The following CPNE8 variants were observed in gnomAD, a reference collection of about 807,000 sequenced individuals.
CPNE8 encodes copine 8.
Under a neutral mutation model 81.5 loss-of-function variants are expected in CPNE8, and 45 were observed. That is an observed-to-expected ratio of 0.55 (90% CI 0.44 to 0.71). CPNE8 has a LOEUF of 0.71. CPNE8 is among the 30% of genes least tolerant of loss of function. The pLI, the probability that CPNE8 is intolerant of heterozygous loss-of-function variation, is 0.00. For missense variants in CPNE8, 594 were observed against 672.1 expected (o/e 0.88, Z 1.28); for synonymous variants, 252 against 226.3 (o/e 1.11, Z -1.02).
At chr12:38,759,491 T>C (rs1261411967) in intron 10 of CPNE8, among the ~76,000 whole-genome samples, 1 of 152,200 alleles carries the variant, frequency 6.6e-6, no homozygotes, top group Non-Finnish European at 1.5e-5. Context: ...CACATAGAAC[T>C]AAATAATACA....
At chr12:38,779,213 A>T (rs1371438751) in intron 6 of CPNE8, among the ~76,000 whole-genome samples, 4 of 152,154 alleles carry the variant, frequency 2.6e-5, no homozygotes, top group Non-Finnish European at 1.5e-5. Context: ...ACATTGCAAG[A>T]AAATAAGGAC....
At chr12:38,814,893 T>C (rs929389658) in intron 6 of CPNE8, among the ~76,000 whole-genome samples, 1 of 152,224 alleles carries the variant, frequency 6.6e-6, no homozygotes, top group African/African-American at 2.4e-5. Flanking sequence ...GAAACAATTA[T>C]ATTTTGGTAG....
At chr12:38,887,453 C>T (rs1323701729) in intron 1 of CPNE8, among the ~76,000 whole-genome samples, 4 of 152,154 alleles carry the variant, frequency 2.6e-5, no homozygotes, top group Non-Finnish European at 5.9e-5. Context: ...GAGATATCTG[C>T]TTGGCCTGAC....
At chr12:38,823,035 C>T (rs960094576) in intron 6 of CPNE8, among the ~76,000 whole-genome samples, 8 of 152,130 alleles carry the variant, frequency 5.3e-5, no homozygotes, top group African/African-American at 1.7e-4. Context: ...ACTTTTATGA[C>T]TATGCATTCT....
intron 3 of CPNE8, among the ~76,000 whole-genome samples, chr12:38,861,213 G>C (rs2137080688): frequency 1.3e-5 from 2 of 152,220 alleles, no homozygotes; most frequent in South Asian, 4.1e-4. Context: ...ACAGAATGGT[G>C]GGTGCCACTG....
chr12:38,883,725 C>T (rs1944197165), intron 1 of CPNE8, among the ~76,000 whole-genome samples: 1 of 152,204 alleles, frequency 6.6e-6, no homozygotes. Context: ...GCCAAAGTGA[C>T]AAATATTCAT....
chr12:38,702,920 T>A lies in CPNE8; in HGVS notation c.916A>T (p.Thr306Ser). The A allele has an allele frequency of 6.3e-7, 1 of 1,580,660 alleles. No individual in the cohort carries two copies. Among genetic ancestry groups the A allele is most frequent in the South Asian group, 1.2e-5 (1 of 85,960 alleles). The change falls in exon 14 of 20, where the codon ACG (threonine) becomes TCG (serine). Residue 306 changes from threonine to serine, a missense_variant and splice_region_variant. Coordinates refer to ENST00000331366, the MANE Select transcript of CPNE8 (RefSeq NM_153634.3). ...VSFLDYIKGG[T>S]QINFTVAIDF... ...ATAGCCACTGTGAAATTGATTTGCG[T>A]CCTGGAATAGAAGTAAACAAGACTC...
Position 38,905,563 on chromosome 12 carries a change from G to T in CPNE8, c.-29C>A. On this transcript the variant is annotated 5_prime_UTR_variant, in exon 1 of 20. Coordinates refer to ENST00000331366, the MANE Select transcript of CPNE8 (RefSeq NM_153634.3). ...GGGAGGAGGCGCCTTGGACTTGTCCGGCGCCCACAACCACAGCTCGGGCGG... is the reference window on the plus strand; with the variant it reads ...GGGAGGAGGCGCCTTGGACTTGTCCTGCGCCCACAACCACAGCTCGGGCGG... The T allele has an allele frequency of 6.5e-7, 1 of 1,547,726 alleles. No individual in the cohort carries two copies.
chr12:38,723,541 A>G (rs1940619330), intron 13 of CPNE8, among the ~76,000 whole-genome samples: 1 of 152,230 alleles, frequency 6.6e-6, no homozygotes, highest in Non-Finnish European at 1.5e-5. Flanking sequence ...AGCCATATCT[A>G]CAACTATTAA....
intron 10 of CPNE8, among the ~76,000 whole-genome samples, chr12:38,758,135 A>G (rs114494074): frequency 1.3e-3 from 178 of 137,078 alleles, no homozygotes; most frequent in African/African-American, 4.7e-3. Flanking sequence ...GGCACAAATC[A>G]TCTGTGAACA....
chr12:38,733,383 G>T (rs1170294084), intron 10 of CPNE8, among the ~76,000 whole-genome samples: 1 of 151,662 alleles, frequency 6.6e-6, no homozygotes, highest in Non-Finnish European at 1.5e-5. Context: ...AAGATTAAAA[G>T]AAAAAATATA....
chr12:38,728,096 G>A (rs898678965), intron 11 of CPNE8, among the ~76,000 whole-genome samples: 8 of 152,314 alleles, frequency 5.3e-5, no homozygotes, highest in Admixed American at 3.9e-4. Flanking sequence ...AAACTTTGGA[G>A]AAGCTGGAGG....
In CPNE8 at chr12:38,653,099, C is replaced by A. The variant is rs537955388; in HGVS notation, c.*783G>T. ...GATGCTACTTTTTACAAAGTATTTT[C>A]TGTGCATTTATAGATCACAATGTTT... On this transcript the variant is annotated 3_prime_UTR_variant, in exon 20 of 20. Transcript: ENST00000331366. 5 of 152,330 alleles carry A rather than the reference C, an allele frequency of 3.3e-5. No individual in the cohort carries two copies. The highest frequency in any genetic ancestry group is 5.9e-5 in the Non-Finnish European group (4 of 68,014). 9.4% of individuals were successfully genotyped at this position (152,330 alleles called of 1,614,324 possible).
At chr12:38,819,583 T>C (rs1010367910) in intron 6 of CPNE8, among the ~76,000 whole-genome samples, 7 of 151,774 alleles carry the variant, frequency 4.6e-5, no homozygotes, top group Admixed American at 6.6e-5. Flanking sequence ...CTGGCTAACA[T>C]GGTGAAACCC....
At position 38,767,694 on chromosome 12, in the gene CPNE8, C is replaced by A; in HGVS notation, c.516G>T (p.Lys172Asn). The part of the protein sequence containing the change: ...MQFCANKLDK[K>N]DFFGKSDPFL... ...AAGGATCTGATTTTCCAAAGAAGTC[C>A]TTCTTGTCCAATTTGTTCGCACAAA... The change falls in exon 8 of 20, where the codon AAG becomes AAT. Residue 172 changes from lysine to asparagine, a missense_variant. By Grantham distance (94) the Lys-to-Asn change is moderately conservative. Coordinates refer to ENST00000331366, the MANE Select transcript of CPNE8 (RefSeq NM_153634.3). 6.4e-7 allele frequency: 1 copy of A among 1,558,994 alleles called. No homozygotes were observed. The highest frequency in any genetic ancestry group is 2.4e-5 in the East Asian group (1 of 40,858).
chr12:38,876,606 A>G (rs1232212834), intron 1 of CPNE8, among the ~76,000 whole-genome samples: 1 of 152,244 alleles, frequency 6.6e-6, no homozygotes, highest in East Asian at 1.9e-4. Flanking sequence ...CAAAAATAAA[A>G]CAAGCCAACA....
At chr12:38,737,630 C>T (rs1940985333) in intron 10 of CPNE8, among the ~76,000 whole-genome samples, 1 of 151,996 alleles carries the variant, frequency 6.6e-6, no homozygotes, top group Non-Finnish European at 1.5e-5. Context: ...TATTATATTG[C>T]TACCTTTGTT....
intron 10 of CPNE8, among the ~76,000 whole-genome samples, chr12:38,752,489 C>G (rs7315746): frequency 6.6e-6 from 1 of 151,994 alleles, no homozygotes; most frequent in Non-Finnish European, 1.5e-5. Flanking sequence ...AAAAAGCTGG[C>G]TCTGGCAAAG....
chr12:38,669,167 G>A (rs550568549), intron 19 of CPNE8, among the ~76,000 whole-genome samples: 3 of 152,202 alleles, frequency 2.0e-5, no homozygotes, highest in South Asian at 4.1e-4. Context: ...ATGTGAGTGT[G>A]ATTTTTACTG....
Sources: allele counts gnomAD v4.1 joint callset (sites outside exome capture counted in the v4.1 genomes callset), GRCh38; gene constraint gnomAD v4.1.1; transcripts MANE v1.5; gene names NCBI Gene and HGNC (gene_info 2026-07-23, HGNC 2026-07-21).